The following SMARCA2 variants were observed in gnomAD, a reference collection of about 807,000 sequenced individuals.
SMARCA2 encodes the protein SWI/SNF-related matrix-associated actin-dependent regulator of chromatin subfamily A member 2.
A neutral mutation model predicts 199.8 loss-of-function variants in SMARCA2; 61 were observed. That is an observed-to-expected ratio of 0.31 (90% confidence interval 0.25 to 0.38). The LOEUF is 0.38. Among genes scored for constraint, SMARCA2 ranks in the 10% least tolerant of loss-of-function variants. SMARCA2 has a pLI of 1.00. For missense variants in SMARCA2, 1,344 were observed against 2,012.2 expected, an observed-to-expected ratio of 0.67 and a Z score of 6.35; for synonymous variants, 935 against 732.0, an observed-to-expected ratio of 1.28 and a Z score of -4.48.
chr9:2,034,662 C>G (rs150013447), intron 3 of SMARCA2, among the ~76,000 whole-genome samples: 1 of 152,182 alleles, frequency 6.6e-6, no homozygotes, highest in Admixed American at 6.5e-5. Context: ...CGAGGGAAGA[C>G]TTTTGGCTGT....
intron 32 of SMARCA2, among the ~76,000 whole-genome samples, chr9:2,189,208 A>T (rs1200684301): frequency 3.9e-5 from 6 of 152,168 alleles, no homozygotes; most frequent in African/African-American, 1.4e-4. Flanking sequence ...TGTCCACCAC[A>T]CTTGGTAGCT....
chr9:2,096,774 G>T lies in SMARCA2; in HGVS notation c.2991+10G>T, dbSNP rs17712152. 109 of 1,518,874 alleles carry T rather than the reference G, an allele frequency of 7.2e-5. No homozygotes were observed. In the African/African-American group the frequency reaches 1.3e-3, roughly 19 times the overall value. The allele number at this position is 1,518,874 out of a possible 1,614,324, so 94.1% of individuals were successfully genotyped here. On this transcript the variant is annotated intron_variant, in intron 20 of 33. Transcript: ENST00000349721. Reference sequence around the variant, plus strand: ...TGAGAAAGATAAGAAGGTACGTTGCGAAAGATGATGCAACTCAAGGTGCTG... The same window carrying T: ...TGAGAAAGATAAGAAGGTACGTTGCTAAAGATGATGCAACTCAAGGTGCTG...
Position 2,017,223 on chromosome 9 carries a change from G to C in SMARCA2, c.-37+1819G>C, listed in dbSNP as rs1202594055. The C allele has an allele frequency of 6.6e-6, 1 of 152,028 alleles. No homozygotes were observed. The allele number at this position is 152,028 out of a possible 1,614,324, so 9.4% of individuals were successfully genotyped here. ...GCGGATGGTGGTGAGCGCGGGGCTG[G>C]CTGGGCTGCTTGGGGGGTGGGGTGG... On this transcript the variant is annotated intron_variant, in intron 1 of 33. Transcript: ENST00000349721. This position sits in a 1 kb window ranked among gnomAD's most constrained non-coding sequence, Gnocchi z 8.8.
chr9:2,168,467 A>G (rs1308155864), intron 28 of SMARCA2, among the ~76,000 whole-genome samples: 1 of 152,232 alleles, frequency 6.6e-6, no homozygotes, highest in Non-Finnish European at 1.5e-5. Context: ...GAAGGCCTAC[A>G]TATAATCAGC....
intron 5 of SMARCA2, among the ~76,000 whole-genome samples, chr9:2,048,733 A>G (rs1481357359): frequency 1.3e-5 from 2 of 152,232 alleles, no homozygotes; most frequent in East Asian, 1.9e-4. Context: ...AAGAGATTTT[A>G]TATTGCTATT....
At chr9:2,096,243 A>G (rs1176830105) in intron 19 of SMARCA2, among the ~76,000 whole-genome samples, 2 of 152,252 alleles carry the variant, frequency 1.3e-5, no homozygotes, top group Non-Finnish European at 2.9e-5. Context: ...AGAAAATCAC[A>G]GGATATTTGC....
At chr9:2,157,630 G>A in intron 27 of SMARCA2, 1 of 359,458 alleles carries the variant, frequency 2.8e-6, no homozygotes. Flanking sequence ...TCCTTTCAGT[G>A]TTAAGATGGT....
intron 21 of SMARCA2, 121 bp downstream of exon 21, chr9:2,097,592 T>A: frequency 1.6e-6 from 1 of 611,412 alleles, no homozygotes; most frequent in Non-Finnish European, 2.9e-6. Flanking sequence ...TGGCGGAAGT[T>A]GAGATGACAT....
At chr9:2,033,137 C>T in intron 3 of SMARCA2, 56 bp downstream of exon 3, 1 of 1,569,056 alleles carries the variant, frequency 6.4e-7, no homozygotes, top group South Asian at 1.2e-5. Flanking sequence ...TTCAGTCTTT[C>T]CTGTTGGATA....
chr9:2,092,216 T>C (rs1230883655), intron 19 of SMARCA2, among the ~76,000 whole-genome samples: 4 of 152,242 alleles, frequency 2.6e-5, no homozygotes, highest in African/African-American at 7.2e-5. Flanking sequence ...TGGGTATTTC[T>C]TTATGTCTAA....
intron 27 of SMARCA2, among the ~76,000 whole-genome samples, chr9:2,151,816 T>C (rs1453194796): frequency 1.3e-5 from 2 of 152,076 alleles, no homozygotes; most frequent in Non-Finnish European, 2.9e-5. Flanking sequence ...AGTAAAGTCA[T>C]CTCAATATAT....
chr9:2,167,547 G>A (rs1165117862), intron 28 of SMARCA2, among the ~76,000 whole-genome samples: 1 of 152,210 alleles, frequency 6.6e-6, no homozygotes, highest in Non-Finnish European at 1.5e-5. Flanking sequence ...GGTGAACACA[G>A]CTCCGGGGCA....
intron 20 of SMARCA2, chr9:2,097,034 G>A (rs908275348): frequency 8.0e-6 from 4 of 501,836 alleles, no homozygotes; most frequent in African/African-American, 3.9e-5. Context: ...CTAAGTGTGG[G>A]GTGGCATTTT....
chr9:2,025,015 C>G (rs1026634943), intron 1 of SMARCA2, among the ~76,000 whole-genome samples: 2 of 152,044 alleles, frequency 1.3e-5, no homozygotes, highest in African/African-American at 4.8e-5. Context: ...GAGTGGTGAC[C>G]CTTAAAATTC....
chr9:2,032,717 A>AAAAC lies in SMARCA2; in HGVS notation c.226-211_226-208dup, dbSNP rs111319405. On this transcript the variant is annotated intron_variant, in intron 2 of 33. Transcript: ENST00000349721. The stretch of plus-strand genomic sequence containing the variant: ...TTCATTGCCTGTTCTGATATTACAA[A>AAAAC]AAACAAACAAACAAACAAACAAACA... 5.8e-3 allele frequency: 2,120 copies of AAAAC among 364,022 alleles called. 49 individuals carry two copies. Among genetic ancestry groups the AAAAC allele is most frequent in the African/African-American group, 0.035 (1,635 of 47,304 alleles). The allele number at this position is 364,022 out of a possible 1,614,324, so 22.5% of individuals were successfully genotyped here.
rs919416562 is a variant in SMARCA2, at chr9:2,017,295, G to A, written c.-37+1891G>A. 2 of 151,540 alleles carry A rather than the reference G, an allele frequency of 1.3e-5. No individual in the cohort carries two copies. Among genetic ancestry groups the A allele is most frequent in the Non-Finnish European group, 2.9e-5 (2 of 67,914 alleles). The allele number at this position is 151,540 out of a possible 1,614,324, so 9.4% of individuals were successfully genotyped here. On this transcript the variant is annotated intron_variant, in intron 1 of 33. Coordinates refer to ENST00000349721, the MANE Select transcript of SMARCA2 (RefSeq NM_003070.5). The surrounding 1 kb of genome is among the most constrained non-coding windows in gnomAD (Gnocchi z 8.8). ...GGCAGGAAAAAAAAAGTTTGGCAGG[G>A]CGGCTAAGTAGGGTGGAGGGGTGGG... is the stretch of plus-strand genomic sequence containing the variant.
Position 2,119,609 on chromosome 9 carries a change from A to G in SMARCA2, c.3762+74A>G, listed in dbSNP as rs1823363766. On this transcript the variant is annotated intron_variant, in intron 26 of 33. Transcript: ENST00000349721. The surrounding 1 kb of genome is among the most constrained non-coding windows in gnomAD (Gnocchi z 4.6). The stretch of plus-strand genomic sequence containing the variant: ...TTTTTCTGTTAAGCAGAATGTCTGC[A>G]GCCTGCGTGCCTGGCAGAACTTCAT... The G allele has an allele frequency of 9.9e-7, 1 of 1,015,158 alleles. No individual in the cohort carries two copies. The allele number at this position is 1,015,158 out of a possible 1,614,324, so 62.9% of individuals were successfully genotyped here.
intron 27 of SMARCA2, among the ~76,000 whole-genome samples, chr9:2,154,650 C>T (rs150127414): frequency 0.014 from 2,151 of 152,262 alleles, 25 homozygotes; most frequent in Middle Eastern, 0.092. Context: ...CAGGAAAGAA[C>T]CATTTATTTT....
chr9:2,076,813 C>A (rs1244931938), intron 13 of SMARCA2, among the ~76,000 whole-genome samples: 1 of 152,136 alleles, frequency 6.6e-6, no homozygotes, highest in Non-Finnish European at 1.5e-5. Context: ...AGTCCCTGAA[C>A]CCTCTCCAGC....
Sources: gnomAD v4.1 joint callset for allele counts (sites outside exome capture counted in the v4.1 genomes callset) on GRCh38, gnomAD v4.1.1 for gene constraint, Gnocchi (gnomAD v3.1) non-coding constraint, MANE v1.5 for transcripts, NCBI Gene and HGNC (gene_info 2026-07-23, HGNC 2026-07-21) for gene names.